BLOC1S5: variants seen among roughly 807,000 people sequenced by gnomAD.
The protein encoded by BLOC1S5 is biogenesis of lysosome-related organelles complex 1 subunit 5.
In BLOC1S5, 27 loss-of-function variants were observed where a neutral mutation model predicts 24.3. The ratio of observed to expected loss-of-function variants is 1.11; its 90% CI spans 0.82 to 1.53. The LOEUF is 1.53. Among genes scored for constraint, BLOC1S5 ranks in the 40% most tolerant of loss-of-function variants. The pLI, the probability that BLOC1S5 is intolerant of heterozygous loss-of-function variation, is 0.00. For synonymous variants in BLOC1S5, 84 were observed against 74.5 expected (o/e 1.13, Z -0.66); for missense variants, 239 against 229.4 (o/e 1.04, Z -0.27).
chr6:8,057,649 T>C (rs908265529), intron 2 of BLOC1S5, among the ~76,000 whole-genome samples: 5 of 152,244 alleles, frequency 3.3e-5, no homozygotes, highest in African/African-American at 1.2e-4. Context: ...ACAGTGTCTC[T>C]AGTAATCTAA....
At chr6:8,048,074 G>A (rs574821222) in intron 2 of BLOC1S5, among the ~76,000 whole-genome samples, 1 of 152,334 alleles carries the variant, frequency 6.6e-6, no homozygotes, top group Non-Finnish European at 1.5e-5. Flanking sequence ...TAGATTTAGA[G>A]ATATTTGAAG....
Position 8,015,527 on chromosome 6 carries a change from A to T in BLOC1S5, c.*122T>A. 1.0e-6 allele frequency: 1 copy of T among 986,058 alleles called. No homozygotes were observed. The highest frequency in any genetic ancestry group is 1.5e-6 in the Non-Finnish European group (1 of 682,568). The allele number at this position is 986,058 out of a possible 1,614,324, so 61.1% of individuals were successfully genotyped here. ...CCAGTAGAAACTTCTTTCTTCTGATATAAGAGTGCCACTGAATATATTGCT... is the reference window on the plus strand; with the variant it reads ...CCAGTAGAAACTTCTTTCTTCTGATTTAAGAGTGCCACTGAATATATTGCT... On this transcript the variant is annotated 3_prime_UTR_variant, in exon 5 of 5. Coordinates refer to ENST00000397457, the MANE Select transcript of BLOC1S5 (RefSeq NM_201280.3).
chr6:8,033,369 C>A (rs1329058325), intron 3 of BLOC1S5, among the ~76,000 whole-genome samples: 5 of 152,068 alleles, frequency 3.3e-5, no homozygotes, highest in Admixed American at 3.3e-4. Context: ...AAAAAACAAG[C>A]AATATGGAAA....
chr6:8,051,020 T>C (rs1764089107), intron 2 of BLOC1S5, among the ~76,000 whole-genome samples: 1 of 151,642 alleles, frequency 6.6e-6, no homozygotes, highest in African/African-American at 2.4e-5. Context: ...AAACCCTGTC[T>C]CTACTAAAAA....
At chr6:8,021,563 C>A (rs991677016) in intron 4 of BLOC1S5, among the ~76,000 whole-genome samples, 1 of 152,086 alleles carries the variant, frequency 6.6e-6, no homozygotes, top group African/African-American at 2.4e-5. Context: ...CGCACCACTG[C>A]ACTCCACCCT....
chr6:8,061,850 G>T (rs550852582), intron 2 of BLOC1S5, among the ~76,000 whole-genome samples: 3 of 152,192 alleles, frequency 2.0e-5, no homozygotes, highest in Non-Finnish European at 2.9e-5. Flanking sequence ...CATCACTGTC[G>T]CTGGAACATA....
chr6:8,063,957 C>T (rs1413163431), intron 1 of BLOC1S5, among the ~76,000 whole-genome samples: 1 of 152,242 alleles, frequency 6.6e-6, no homozygotes, highest in Non-Finnish European at 1.5e-5. Flanking sequence ...TTCCACTACA[C>T]GTCGGTGGCG....
intron 2 of BLOC1S5, chr6:8,054,500 A>G: frequency 2.5e-5 from 7 of 276,290 alleles, no homozygotes; most frequent in Non-Finnish European, 4.2e-5. Context: ...TGGAACAATC[A>G]TCCCAGAGTC....
chr6:8,054,394 A>T (rs970384067), intron 2 of BLOC1S5: 1 of 343,642 alleles, frequency 2.9e-6, no homozygotes, highest in Admixed American at 4.3e-5. Context: ...TATATATTGA[A>T]TGCTTACCCA....
At chr6:8,061,253 A>T (rs1764503012) in intron 2 of BLOC1S5, among the ~76,000 whole-genome samples, 1 of 152,206 alleles carries the variant, frequency 6.6e-6, no homozygotes, top group Non-Finnish European at 1.5e-5. Context: ...AATGATGACA[A>T]ATAAATAAAT....
At position 8,015,786 on chromosome 6, in the gene BLOC1S5, G is replaced by A. The variant is rs1218797913; in HGVS notation, c.427C>T (p.Leu143Phe). The A allele has an allele frequency of 2.5e-6, 4 of 1,613,862 alleles. No individual in the cohort carries two copies. The highest frequency in any genetic ancestry group is 3.4e-6 in the Non-Finnish European group (4 of 1,179,998). Residue 143 changes from leucine to phenylalanine, a missense_variant, in exon 5 of 5, where the codon CTC becomes TTC. Leu to Phe is a conservative substitution (Grantham distance 22). Transcript: ENST00000397457. ...TCCTTCATGAAGTTGTCCCACTGGA[G>A]CATATGCTGTTTCTCACTAGCTACT... ...HLVASEKQHM[L>F]QWDNFMKEQP...
At chr6:8,026,508 G>A (rs924474035) in intron 3 of BLOC1S5, 83 bp from the exon 4 acceptor site, 2 of 1,091,746 alleles carry the variant, frequency 1.8e-6, no homozygotes, top group African/African-American at 3.1e-5. Context: ...TGTGTGGAGA[G>A]TACATGAATT....
chr6:8,039,218 G>A lies in BLOC1S5; in HGVS notation c.325+1921C>T, dbSNP rs115222034. Among the ~76,000 whole-genome samples the A allele has an allele frequency of 3.8e-3, 582 of 152,268 alleles. 2 individuals carry two copies. The highest frequency in any genetic ancestry group is 0.013 in the African/African-American group (550 of 41,552). On this transcript the variant is annotated intron_variant, in intron 3 of 4. Transcript: ENST00000397457. ...AGACAAATATTGCATGCTCTCACTC[G>A]TATGTGAGAGCTAAAGAAATGGATC...
chr6:8,053,353 T>C (rs1764195709), intron 2 of BLOC1S5, among the ~76,000 whole-genome samples: 1 of 152,148 alleles, frequency 6.6e-6, no homozygotes, highest in South Asian at 2.1e-4. Context: ...AACTTCATTG[T>C]TGTCTTATTT....
At chr6:8,064,116 A>G in intron 1 of BLOC1S5, 149 bp downstream of exon 1, 4 of 582,280 alleles carry the variant, frequency 6.9e-6, no homozygotes, top group Non-Finnish European at 8.6e-6. Flanking sequence ...GCGCGGGGAA[A>G]AAGGCGGGGA....
At chr6:8,016,227 G>A (rs1239517959) in intron 4 of BLOC1S5, among the ~76,000 whole-genome samples, 1 of 152,104 alleles carries the variant, frequency 6.6e-6, no homozygotes, top group Non-Finnish European at 1.5e-5. Context: ...TCGGGAGGCT[G>A]AGGTGGAAGA....
At chr6:8,049,325 C>T (rs1297665384) in intron 2 of BLOC1S5, among the ~76,000 whole-genome samples, 2 of 151,178 alleles carry the variant, frequency 1.3e-5, no homozygotes, top group Non-Finnish European at 2.9e-5. Context: ...GAGCCGCGAT[C>T]GCGCCATTGC....
chr6:8,042,409 A>AT (rs1271281377), intron 2 of BLOC1S5, among the ~76,000 whole-genome samples: 1 of 152,234 alleles, frequency 6.6e-6, no homozygotes, highest in Non-Finnish European at 1.5e-5. Flanking sequence ...AGGCCTCCTC[A>AT]TAAGGTTGGC....
chr6:8,028,152 T>C (rs1763171898), intron 3 of BLOC1S5, among the ~76,000 whole-genome samples: 1 of 152,134 alleles, frequency 6.6e-6, no homozygotes, highest in African/African-American at 2.4e-5. Context: ...CGGCCCCAAC[T>C]AGGTCACAAG....
Sources: gnomAD v4.1 joint callset for allele counts (sites outside exome capture counted in the v4.1 genomes callset) on GRCh38, gnomAD v4.1.1 for gene constraint, MANE v1.5 for transcripts, NCBI Gene and HGNC (gene_info 2026-07-23, HGNC 2026-07-21) for gene names.